The following ROCK2 variants were observed in gnomAD, a reference collection of about 807,000 sequenced individuals.
ROCK2 encodes the protein rho-associated protein kinase 2.
A neutral mutation model predicts 195.1 loss-of-function variants in ROCK2; 61 were observed. That is an observed-to-expected ratio of 0.31 (90% CI 0.25 to 0.39). The LOEUF is 0.39. ROCK2 is among the 10% of genes least tolerant of loss of function. ROCK2 has a pLI of 1.00. For synonymous variants in ROCK2, 504 were observed against 545.5 expected, an observed-to-expected ratio of 0.92 and a Z score of 1.06; for missense variants, 1,109 against 1,637.4, an observed-to-expected ratio of 0.68 and a Z score of 5.57.
chr2:11,186,891 C>T, intron 32 of ROCK2, among the ~76,000 whole-genome samples: 1 of 152,182 alleles, frequency 6.6e-6, no homozygotes, highest in East Asian at 1.9e-4. Flanking sequence ...ATTCTCCATG[C>T]TTCCCTCGTT....
At chr2:11,210,959 A>G (rs1664226854) in intron 18 of ROCK2, among the ~76,000 whole-genome samples, 1 of 152,230 alleles carries the variant, frequency 6.6e-6, no homozygotes, top group South Asian at 2.1e-4. Flanking sequence ...TTACTCATGT[A>G]ATGCTTCAAT....
chr2:11,328,810 C>T (rs1237100228), intron 1 of ROCK2, among the ~76,000 whole-genome samples: 2 of 151,476 alleles, frequency 1.3e-5, no homozygotes, highest in Non-Finnish European at 2.9e-5. Flanking sequence ...AGTAAACTAT[C>T]GCAAGGACAA....
At chr2:11,330,769 A>AGGAGGGAGGAGGG in intron 1 of ROCK2, among the ~76,000 whole-genome samples, 1 of 73,808 alleles carries the variant, frequency 1.4e-5, no homozygotes, top group Non-Finnish European at 2.6e-5. Context: ...AGGGAGGAGG[A>AGGAGGGAGGAGGG]GGAGGGAGGG....
chr2:11,240,178 T>C (rs935015802), intron 4 of ROCK2, among the ~76,000 whole-genome samples: 1 of 152,152 alleles, frequency 6.6e-6, no homozygotes, highest in East Asian at 1.9e-4. Flanking sequence ...CCTCCCCCAA[T>C]ACCTCCTTCT....
chr2:11,214,263 T>G (rs1402925564), intron 17 of ROCK2, 94 bp downstream of exon 17: 1 of 671,776 alleles, frequency 1.5e-6, no homozygotes, highest in Non-Finnish European at 2.6e-6. Context: ...TGTGGAAATA[T>G]TCCAGTTAGT....
rs139318888 is a variant in ROCK2, at chr2:11,268,488, T to TGTGTG, written c.324+18050_324+18051insCACAC. ...TTACTGTGTGTGTGTGTTTTTTTCC[T>TGTGTG]TGTGTGTGTGTGTGTGTATTTAACA... On this transcript the variant is annotated intron_variant, in intron 3 of 32. Transcript: ENST00000315872. Among the ~76,000 whole-genome samples the TGTGTG allele has an allele frequency of 5.2e-3, 772 of 149,762 alleles. 7 individuals are homozygous for TGTGTG. Among genetic ancestry groups the TGTGTG allele is most frequent in the Middle Eastern group, 0.017 (5 of 294 alleles).
At chr2:11,250,533 C>A (rs944701589) in intron 3 of ROCK2, among the ~76,000 whole-genome samples, 2 of 152,166 alleles carry the variant, frequency 1.3e-5, no homozygotes, top group Non-Finnish European at 2.9e-5. Flanking sequence ...ACTGCTAACA[C>A]GAATACTTGG....
At chr2:11,319,233 T>A (rs1220360463) in intron 1 of ROCK2, among the ~76,000 whole-genome samples, 1 of 152,232 alleles carries the variant, frequency 6.6e-6, no homozygotes, top group Non-Finnish European at 1.5e-5. Flanking sequence ...TTCCTATCCA[T>A]AAGCATGGAA....
chr2:11,222,912 CT>C (rs923181509), intron 7 of ROCK2, among the ~76,000 whole-genome samples: 1 of 152,104 alleles, frequency 6.6e-6, no homozygotes, highest in Non-Finnish European at 1.5e-5. Context: ...TTGCACACCC[CT>C]GCCCCATGAC....
chr2:11,275,401 T>G (rs1666790112), intron 3 of ROCK2, among the ~76,000 whole-genome samples: 1 of 152,210 alleles, frequency 6.6e-6, no homozygotes, highest in African/African-American at 2.4e-5. Context: ...CAACTGAAAT[T>G]GTAGAAAGCA....
At chr2:11,323,069 C>T (rs1668447842) in intron 1 of ROCK2, among the ~76,000 whole-genome samples, 1 of 152,140 alleles carries the variant, frequency 6.6e-6, no homozygotes, top group Non-Finnish European at 1.5e-5. Flanking sequence ...TCACTGACAA[C>T]AAATATTCTG....
intron 1 of ROCK2, among the ~76,000 whole-genome samples, chr2:11,312,290 G>A (rs931604845): frequency 3.3e-5 from 5 of 152,028 alleles, no homozygotes; most frequent in East Asian, 1.9e-4. Flanking sequence ...TAAAACTGAC[G>A]TACAATAAAA....
At position 11,344,271 on chromosome 2, in the gene ROCK2, G is replaced by C. The variant is rs1486328722; in HGVS notation, c.-135C>G. 1 of 1,281,618 alleles carries C rather than the reference G, an allele frequency of 7.8e-7. No individual in the cohort carries two copies. The highest frequency in any genetic ancestry group is 2.5e-5 in the South Asian group (1 of 39,456). The allele number at this position is 1,281,618 out of a possible 1,614,324, so 79.4% of individuals were successfully genotyped here. A position where few individuals can be genotyped will look rare whatever the true frequency, so the allele number is the denominator to read the frequency against. ...ACCGCCTGCCTCTAGCTCCGGCTTCGGGTCTCCAAGGCGGTCCCCCGCCTG... is the reference window on the plus strand; with the variant it reads ...ACCGCCTGCCTCTAGCTCCGGCTTCCGGTCTCCAAGGCGGTCCCCCGCCTG... On this transcript the variant is annotated 5_prime_UTR_variant, in exon 1 of 33. Coordinates refer to ENST00000315872, the MANE Select transcript of ROCK2 (RefSeq NM_004850.5). The surrounding 1 kb of genome is among the most constrained non-coding windows in gnomAD (Gnocchi z 5.4).
At chr2:11,317,580 A>T (rs1412770659) in intron 1 of ROCK2, among the ~76,000 whole-genome samples, 2 of 12,408 alleles carry the variant, frequency 1.6e-4, no homozygotes, top group African/African-American at 5.6e-4. Context: ...ACACATTTAT[A>T]TATATATATA....
In ROCK2 at chr2:11,197,398, C is replaced by T. The variant is rs1451054547; in HGVS notation, c.3280-50G>A. 1.3e-6 allele frequency: 2 copies of T among 1,562,896 alleles called. No individual in the cohort carries two copies. Among genetic ancestry groups the T allele is most frequent in the Non-Finnish European group, 8.7e-7 (1 of 1,143,682 alleles). On this transcript the variant is annotated intron_variant, in intron 26 of 32. Transcript: ENST00000315872. This position sits in a 1 kb window ranked among gnomAD's most constrained non-coding sequence, Gnocchi z 4.9. ...GTTAATTGGATGCAACATAACTCAA[C>T]ATTTTGCTTCTTGGTTCAATAATAA...
intron 11 of ROCK2, 34 bp downstream of exon 11, chr2:11,218,421 C>T: frequency 6.5e-7 from 1 of 1,540,098 alleles, no homozygotes; most frequent in Non-Finnish European, 8.8e-7. Context: ...GAGCTTTTCT[C>T]AGTTTTTCAA....
At chr2:11,238,209 A>ACTGTGTGTGTGT (rs1553303928) in intron 4 of ROCK2, among the ~76,000 whole-genome samples, 1 of 135,266 alleles carries the variant, frequency 7.4e-6, no homozygotes, top group Non-Finnish European at 1.6e-5. Context: ...ATTGAGAAAG[A>ACTGTGTGTGTGT]GTGTGTGTGT....
chr2:11,281,225 A>C (rs903655432), intron 3 of ROCK2, among the ~76,000 whole-genome samples: 2 of 151,508 alleles, frequency 1.3e-5, no homozygotes, highest in African/African-American at 4.8e-5. Flanking sequence ...AAAAAAAAAA[A>C]AAAAAACCTC....
At chr2:11,335,350 A>T (rs949473876) in intron 1 of ROCK2, among the ~76,000 whole-genome samples, 3 of 152,192 alleles carry the variant, frequency 2.0e-5, no homozygotes, top group African/African-American at 7.2e-5. Context: ...ATTAAGGATA[A>T]AGTGAGTATA....
Sources: gnomAD v4.1 joint callset for allele counts (sites outside exome capture counted in the v4.1 genomes callset) on GRCh38, gnomAD v4.1.1 for gene constraint, Gnocchi (gnomAD v3.1) non-coding constraint, MANE v1.5 for transcripts, NCBI Gene and HGNC (gene_info 2026-07-23, HGNC 2026-07-21) for gene names.